Variants in TBPL2 observed in about 807,000 individuals in gnomAD.
TBPL2 encodes the protein TATA-box binding protein like 2.
In TBPL2, 40 loss-of-function variants were observed where a neutral mutation model predicts 38.2. The ratio of observed to expected loss-of-function variants is 1.05; its 90% CI spans 0.81 to 1.36. TBPL2 has a LOEUF of 1.36. Ranked by LOEUF, TBPL2 falls within the 40% of genes most tolerant of loss-of-function variation. The pLI, the probability that TBPL2 is intolerant of heterozygous loss-of-function variation, is 0.00. For missense variants in TBPL2, 461 were observed against 456.7 expected, an observed-to-expected ratio of 1.01 and a Z score of -0.09; for synonymous variants, 169 against 171.7, an observed-to-expected ratio of 0.98 and a Z score of 0.12.
intron 5 of TBPL2, among the ~76,000 whole-genome samples, chr14:55,428,023 C>T (rs1274729179): frequency 7.7e-6 from 1 of 129,996 alleles, no homozygotes; most frequent in Non-Finnish European, 1.6e-5. Context: ...ATAGAACGTG[C>T]TACAGCATTC....
At chr14:55,429,275 C>T (rs961220291) in intron 4 of TBPL2, among the ~76,000 whole-genome samples, 11 of 152,214 alleles carry the variant, frequency 7.2e-5, no homozygotes, top group Admixed American at 1.3e-4. Flanking sequence ...TCCAAGGATT[C>T]GCAAAGTGTG....
rs1043467882 is a variant in TBPL2 at position 55,433,738 on chromosome 14, A to T, written c.697-17T>A. Reference sequence around the variant, plus strand: ...AGCAAACCTCTATACCCAGAAACCAAAAGAGAATTAGCCTCTGCTAGGAGT... The same window carrying T: ...AGCAAACCTCTATACCCAGAAACCATAAGAGAATTAGCCTCTGCTAGGAGT... On this transcript the variant is annotated splice_polypyrimidine_tract_variant and intron_variant, in intron 3 of 6. Transcript: ENST00000247219. 1.9e-6 allele frequency: 3 copies of T among 1,611,200 alleles called. No homozygotes were observed. The highest frequency in any genetic ancestry group is 2.2e-5 in the East Asian group (1 of 44,866).
rs781039283 is a variant in TBPL2, at chr14:55,433,620, T to C, written c.788+10A>G. The C allele has an allele frequency of 6.2e-7, 1 of 1,608,880 alleles. No individual in the cohort carries two copies. The highest frequency in any genetic ancestry group is 8.5e-7 in the Non-Finnish European group (1 of 1,175,292). The stretch of plus-strand genomic sequence containing the variant: ...TTCTCTGGTAGGGGTGGAGGGATGA[T>C]TCCTCATACCTTTTGGCTCCCGTGC... On this transcript the variant is annotated intron_variant, in intron 4 of 6. Transcript: ENST00000247219.
At chr14:55,422,180 A>G (rs774956369) in intron 6 of TBPL2, among the ~76,000 whole-genome samples, 29 of 152,220 alleles carry the variant, frequency 1.9e-4, no homozygotes, top group Non-Finnish European at 2.1e-4. Context: ...GAAGATATGT[A>G]GCGTTAAGTT....
intron 5 of TBPL2, among the ~76,000 whole-genome samples, chr14:55,427,352 T>G (rs905032315): frequency 1.3e-5 from 2 of 152,132 alleles, no homozygotes; most frequent in Non-Finnish European, 2.9e-5. Flanking sequence ...AAAATAAGCA[T>G]ATCATAAAAG....
chr14:55,414,485 TTAATA>T, intron 6 of TBPL2, 30 bp from the exon 7 acceptor site: 1 of 1,491,162 alleles, frequency 6.7e-7, no homozygotes, highest in South Asian at 1.3e-5. Context: ...TATATAATTT[TTAATA>T]TAAAAATACC....
At chr14:55,424,297 G>T in intron 5 of TBPL2, 44 bp from the exon 6 acceptor site, 1 of 1,296,516 alleles carries the variant, frequency 7.7e-7, no homozygotes, top group Non-Finnish European at 1.1e-6. Flanking sequence ...GCACTATTCA[G>T]CTCCTTTCCC....
chr14:55,425,750 C>A (rs1226240704), intron 5 of TBPL2, among the ~76,000 whole-genome samples: 1 of 152,176 alleles, frequency 6.6e-6, no homozygotes, highest in Non-Finnish European at 1.5e-5. Flanking sequence ...CATTAAAGAC[C>A]CTGCTTTATG....
At chr14:55,439,414 G>C (rs539020049) in intron 1 of TBPL2, among the ~76,000 whole-genome samples, 2 of 152,038 alleles carry the variant, frequency 1.3e-5, no homozygotes, top group African/African-American at 2.4e-5. Flanking sequence ...GGGGCTCTCT[G>C]TTTCCCCTGT....
chr14:55,427,641 G>C (rs1885846224), intron 5 of TBPL2, among the ~76,000 whole-genome samples: 1 of 151,738 alleles, frequency 6.6e-6, no homozygotes, highest in Non-Finnish European at 1.5e-5. Context: ...GAGTCAAGGG[G>C]TTTGGTGTCC....
exon 2 of TBPL2, chr14:55,436,599 G>A (rs2140180134): frequency 6.2e-7 from 1 of 1,614,150 alleles, no homozygotes. Flanking sequence ...CTGAAATAGG[G>A]GTCATTGGTG....
intron 6 of TBPL2, among the ~76,000 whole-genome samples, chr14:55,420,068 T>TTTTGTTTG (rs970949816): frequency 6.6e-6 from 1 of 152,132 alleles, no homozygotes; most frequent in South Asian, 2.1e-4. Flanking sequence ...TTAAGGTTTT[T>TTTTGTTTG]TTTGTTTGTT....
At chr14:55,421,060 CAAAAA>C (rs71131263) in intron 6 of TBPL2, among the ~76,000 whole-genome samples, 2 of 107,588 alleles carry the variant, frequency 1.9e-5, no homozygotes, top group Non-Finnish European at 3.7e-5. Flanking sequence ...GAATCTGTCT[CAAAAA>C]AAAAAAAAAA....
intron 6 of TBPL2, 45 bp downstream of exon 6, chr14:55,424,114 A>C: frequency 7.4e-7 from 1 of 1,357,968 alleles, no homozygotes; most frequent in Non-Finnish European, 1.1e-6. Flanking sequence ...AAGCACATGC[A>C]TAGCAATTAC....
intron 2 of TBPL2, 24 bp from the exon 3 acceptor site, chr14:55,435,958 A>C (rs747454223): frequency 7.0e-7 from 1 of 1,421,338 alleles, no homozygotes; most frequent in Non-Finnish European, 9.7e-7. Flanking sequence ...TCAGTTTAGA[A>C]ACTTATATCA....
At chr14:55,420,643 A>C (rs980822275) in intron 6 of TBPL2, among the ~76,000 whole-genome samples, 5 of 152,188 alleles carry the variant, frequency 3.3e-5, no homozygotes, top group African/African-American at 1.2e-4. Flanking sequence ...AGAAATTTAA[A>C]TTTGCCTATT....
At chr14:55,432,442 A>AAAAAAAAC (rs1885945629) in intron 4 of TBPL2, among the ~76,000 whole-genome samples, 11 of 149,082 alleles carry the variant, frequency 7.4e-5, no homozygotes, top group Admixed American at 7.3e-4. Context: ...ATAAACAAAC[A>AAAAAAAAC]ACAAAAAAAA....
chr14:55,418,827 AG>A (rs1885704255), intron 6 of TBPL2, among the ~76,000 whole-genome samples: 1 of 152,234 alleles, frequency 6.6e-6, no homozygotes, highest in African/African-American at 2.4e-5. Context: ...AGAAAAAACC[AG>A]GAGAGTGTGT....
intron 6 of TBPL2, among the ~76,000 whole-genome samples, chr14:55,420,021 G>T (rs1384048949): frequency 6.6e-6 from 1 of 152,150 alleles, no homozygotes; most frequent in Non-Finnish European, 1.5e-5. Flanking sequence ...AGACCGCCTT[G>T]GTTCCTTTCC....
Sources: gnomAD v4.1 joint callset for allele counts (sites outside exome capture counted in the v4.1 genomes callset) on GRCh38, gnomAD v4.1.1 for gene constraint, MANE v1.5 for transcripts, NCBI Gene and HGNC (gene_info 2026-07-23, HGNC 2026-07-21) for gene names.